The following PDE1A variants were observed in gnomAD, a reference collection of about 807,000 sequenced individuals.
PDE1A encodes dual specificity calcium/calmodulin-dependent 3',5'-cyclic nucleotide phosphodiesterase 1A.
PDE1A carries 35 observed loss-of-function variants against 61.7 expected under a neutral mutation model. That is an observed-to-expected ratio of 0.57 (90% CI 0.43 to 0.75). The LOEUF (loss-of-function observed/expected upper bound fraction) is 0.75, where lower values mean the gene tolerates loss of function less well. Among genes scored for constraint, PDE1A ranks in the 30% least tolerant of loss-of-function variants. PDE1A has a pLI of 0.00. For synonymous variants in PDE1A, 232 were observed against 213.2 expected, an observed-to-expected ratio of 1.09 and a Z score of -0.77; for missense variants, 597 against 630.6, an observed-to-expected ratio of 0.95 and a Z score of 0.57.
intron 7 of PDE1A, among the ~76,000 whole-genome samples, chr2:182,220,739 C>T (rs546831416): frequency 1.3e-5 from 2 of 151,976 alleles, no homozygotes; most frequent in Non-Finnish European, 2.9e-5. Context: ...GCATTTTAGC[C>T]ATTTTGTATT....
chr2:182,586,878 T>A, the PDE1A span, among the ~76,000 whole-genome samples: 2 of 152,222 alleles, frequency 1.3e-5, no homozygotes, highest in Non-Finnish European at 2.9e-5. Context: ...GGTTGCCCTA[T>A]CCTAAAGTCT....
At chr2:182,147,287 C>A in intron 13 of PDE1A, 135 bp from the exon 14 acceptor site, 1 of 533,598 alleles carries the variant, frequency 1.9e-6, no homozygotes, top group Non-Finnish European at 3.3e-6. Flanking sequence ...CACATTTTTT[C>A]AAAGACACCA....
intron 1 of PDE1A, among the ~76,000 whole-genome samples, chr2:182,302,113 G>T (rs1337348105): frequency 6.6e-6 from 1 of 152,128 alleles, no homozygotes; most frequent in African/African-American, 2.4e-5. Context: ...TATTAATAGT[G>T]GTAGGCTGGA....
At chr2:182,278,345 G>A (rs998505270) in intron 1 of PDE1A, among the ~76,000 whole-genome samples, 2 of 152,086 alleles carry the variant, frequency 1.3e-5, no homozygotes, top group Non-Finnish European at 2.9e-5. Flanking sequence ...TCAATCTGCA[G>A]GAGAAGATGA....
chr2:182,311,553 C>A (rs1051676490), intron 1 of PDE1A, among the ~76,000 whole-genome samples: 29 of 152,176 alleles, frequency 1.9e-4, no homozygotes, highest in Admixed American at 1.8e-3. Context: ...TCTAAAATGT[C>A]ATATAAATGG....
chr2:182,144,093 A>G (rs527497120), downstream of PDE1A, among the ~76,000 whole-genome samples: 85 of 152,344 alleles, frequency 5.6e-4, no homozygotes, highest in Admixed American at 1.4e-3. Flanking sequence ...GATATTTTAA[A>G]TCAGTGTGAA....
intron 1 of PDE1A, among the ~76,000 whole-genome samples, chr2:182,329,397 T>C (rs1377795545): frequency 6.6e-6 from 1 of 151,204 alleles, no homozygotes; most frequent in Non-Finnish European, 1.5e-5. Flanking sequence ...ATTTTATTAT[T>C]TTTTTTTTGG....
chr2:182,552,186 G>A, the PDE1A span, among the ~76,000 whole-genome samples: 1 of 152,148 alleles, frequency 6.6e-6, no homozygotes, highest in Non-Finnish European at 1.5e-5. Flanking sequence ...TTGGGCCTGA[G>A]TATCACTTCA....
chr2:182,234,977 C>T (rs1266123681), intron 3 of PDE1A, among the ~76,000 whole-genome samples: 1 of 152,034 alleles, frequency 6.6e-6, no homozygotes, highest in Non-Finnish European at 1.5e-5. Context: ...ATAGGTCCCC[C>T]TTCTTTTATT....
intron 13 of PDE1A, among the ~76,000 whole-genome samples, chr2:182,177,801 C>T (rs1463319476): frequency 6.6e-6 from 1 of 152,060 alleles, no homozygotes; most frequent in Non-Finnish European, 1.5e-5. Context: ...ACTAACCATA[C>T]TGAAACACCT....
the PDE1A span, among the ~76,000 whole-genome samples, chr2:182,565,394 G>T: frequency 6.6e-6 from 1 of 152,278 alleles, no homozygotes; most frequent in African/African-American, 2.4e-5. Context: ...AAATGCTGCT[G>T]TCTGATTGTT....
At chr2:182,588,930 C>T in the PDE1A span, among the ~76,000 whole-genome samples, 5 of 151,558 alleles carry the variant, frequency 3.3e-5, no homozygotes, top group Non-Finnish European at 7.4e-5. Flanking sequence ...GTAATCCCAG[C>T]TACTTGGGAG....
the PDE1A span, among the ~76,000 whole-genome samples, chr2:182,651,503 A>G: frequency 1.3e-5 from 2 of 152,244 alleles, no homozygotes; most frequent in African/African-American, 2.4e-5. Context: ...ACAGACAAAA[A>G]TATTAAAGAT....
chr2:182,402,059 G>T (rs1574561694), intron 1 of PDE1A, among the ~76,000 whole-genome samples: 1 of 152,260 alleles, frequency 6.6e-6, no homozygotes, highest in African/African-American at 2.4e-5. Context: ...CCATGCTCAT[G>T]AATAGAAAGA....
chr2:182,256,950 T>C (rs1691865697), intron 2 of PDE1A, among the ~76,000 whole-genome samples: 3 of 152,228 alleles, frequency 2.0e-5, no homozygotes, highest in South Asian at 2.1e-4. Context: ...TAATTCCTCA[T>C]AGTATCATCT....
chr2:182,598,314 G>A, the PDE1A span, among the ~76,000 whole-genome samples: 2 of 152,226 alleles, frequency 1.3e-5, no homozygotes, highest in African/African-American at 2.4e-5. Flanking sequence ...GATCACGCCT[G>A]TAATTCCAGC....
chr2:182,405,158 T>C (rs767834763), intron 1 of PDE1A, among the ~76,000 whole-genome samples: 2 of 152,222 alleles, frequency 1.3e-5, no homozygotes, highest in Non-Finnish European at 2.9e-5. Context: ...TATCATTGTA[T>C]ATGCTGTCCA....
chr2:182,344,061 A>G (rs1351569717), intron 1 of PDE1A, among the ~76,000 whole-genome samples: 1 of 151,752 alleles, frequency 6.6e-6, no homozygotes, highest in Non-Finnish European at 1.5e-5. Context: ...TTGTAGATTC[A>G]AAGTCTCATT....
chr2:182,210,290 C>G (rs1164521112), intron 7 of PDE1A, among the ~76,000 whole-genome samples: 1 of 152,200 alleles, frequency 6.6e-6, no homozygotes, highest in Non-Finnish European at 1.5e-5. Context: ...CTGCTCCATT[C>G]TCACCAGCTT....
Sources: allele counts gnomAD v4.1 joint callset (sites outside exome capture counted in the v4.1 genomes callset), GRCh38; gene constraint gnomAD v4.1.1; transcripts MANE v1.5; gene names NCBI Gene and HGNC (gene_info 2026-07-23, HGNC 2026-07-21).